Variants in RIMS2 observed in about 807,000 individuals in gnomAD.
RIMS2 encodes the protein regulating synaptic membrane exocytosis protein 2.
In RIMS2, 59 loss-of-function variants were observed where a neutral mutation model predicts 174.4. The observed-to-expected ratio is 0.34, with a 90% CI of 0.27 to 0.42. The LOEUF (loss-of-function observed/expected upper bound fraction) is 0.42, where lower values mean the gene tolerates loss of function less well. RIMS2 is among the 10% of genes least tolerant of loss of function. The pLI, the probability that RIMS2 is intolerant of heterozygous loss-of-function variation, is 1.00. For synonymous variants in RIMS2, 606 were observed against 572.5 expected, an observed-to-expected ratio of 1.06 and a Z score of -0.84; for missense variants, 1,620 against 1,666.3, an observed-to-expected ratio of 0.97 and a Z score of 0.48.
intron 13 of RIMS2, 77 bp from the exon 16 acceptor site, chr8:103,942,696 A>G: frequency 9.5e-7 from 1 of 1,049,482 alleles, no homozygotes; most frequent in Non-Finnish European, 1.4e-6. Context: ...TTATTACTAC[A>G]AAAGTTATAG....
intron 1 of RIMS2, among the ~76,000 whole-genome samples, chr8:103,581,949 G>T (rs2093643602): frequency 6.6e-6 from 1 of 152,198 alleles, no homozygotes; most frequent in African/African-American, 2.4e-5. Flanking sequence ...GACACCACTG[G>T]TGCAGCCAGG....
At chr8:103,537,725 G>T (rs1840491641) in intron 1 of RIMS2, among the ~76,000 whole-genome samples, 1 of 152,144 alleles carries the variant, frequency 6.6e-6, no homozygotes, top group Admixed American at 6.5e-5. Context: ...TAATAATGTA[G>T]TAATATTAAG....
intron 19 of RIMS2, among the ~76,000 whole-genome samples, chr8:104,170,654 A>G (rs77324287): frequency 0.022 from 3,327 of 152,156 alleles, 120 homozygotes; most frequent in African/African-American, 0.076. Flanking sequence ...GGCCAGTTAC[A>G]TTCAACATTA....
chr8:104,093,822 A>C (rs2097705611), intron 19 of RIMS2, among the ~76,000 whole-genome samples, 179 bp downstream of exon 24: 1 of 152,050 alleles, frequency 6.6e-6, no homozygotes, highest in African/African-American at 2.4e-5. Flanking sequence ...GACTTCCTGC[A>C]CAGAAGAAAA....
chr8:103,714,720 G>T (rs894889405), intron 2 of RIMS2, among the ~76,000 whole-genome samples: 3 of 152,060 alleles, frequency 2.0e-5, no homozygotes, highest in Non-Finnish European at 4.4e-5. Flanking sequence ...AATAATGATA[G>T]AATCAATGAT....
intron 19 of RIMS2, among the ~76,000 whole-genome samples, chr8:104,118,225 A>G (rs1375723945): frequency 1.3e-5 from 2 of 152,108 alleles, no homozygotes; most frequent in East Asian, 1.9e-4. Flanking sequence ...AGATATTCTT[A>G]TTACATAAAG....
At chr8:103,803,884 A>G (rs765822605) in intron 3 of RIMS2, among the ~76,000 whole-genome samples, 6 of 152,198 alleles carry the variant, frequency 3.9e-5, no homozygotes, top group Non-Finnish European at 7.3e-5. Flanking sequence ...AGGCATGCCA[A>G]CAATCACATG....
intron 19 of RIMS2, among the ~76,000 whole-genome samples, chr8:104,217,825 T>C (rs1452654477): frequency 1.3e-5 from 2 of 152,230 alleles, no homozygotes; most frequent in African/African-American, 2.4e-5. Flanking sequence ...CCTTTAGCAA[T>C]TTTAAGTCAG....
intron 14 of RIMS2, among the ~76,000 whole-genome samples, chr8:103,959,739 C>A (rs2089212825): frequency 1.3e-5 from 2 of 151,918 alleles, no homozygotes; most frequent in Admixed American, 6.6e-5. Context: ...TTCTTCCAAA[C>A]CATATACAAT....
intron 19 of RIMS2, among the ~76,000 whole-genome samples, chr8:104,054,142 C>T (rs2096832727): frequency 6.6e-6 from 1 of 152,142 alleles, no homozygotes; most frequent in Non-Finnish European, 1.5e-5. Flanking sequence ...GTCTCTCCAT[C>T]TAATTCTCAT....
intron 1 of RIMS2, among the ~76,000 whole-genome samples, chr8:103,538,456 CTTG>C (rs1279837413): frequency 1.3e-5 from 2 of 152,154 alleles, no homozygotes; most frequent in South Asian, 2.1e-4. Flanking sequence ...CTGCACCATA[CTTG>C]TTGTCTTTTA....
chr8:104,070,633 A>G (rs902805555), intron 19 of RIMS2, among the ~76,000 whole-genome samples: 3 of 152,148 alleles, frequency 2.0e-5, no homozygotes, highest in African/African-American at 7.2e-5. Context: ...TTCACCTTGT[A>G]TAATCCAGAG....
At chr8:103,649,453 G>T (rs1011140791) in intron 1 of RIMS2, among the ~76,000 whole-genome samples, 3 of 151,924 alleles carry the variant, frequency 2.0e-5, no homozygotes, top group Non-Finnish European at 4.4e-5. Flanking sequence ...TCTTACTGGG[G>T]TTCTCTATAT....
chr8:104,063,512 A>T (rs772281527), intron 19 of RIMS2, among the ~76,000 whole-genome samples: 1 of 152,182 alleles, frequency 6.6e-6, no homozygotes, highest in Non-Finnish European at 1.5e-5. Flanking sequence ...AATAGAAGAG[A>T]TGGGGTAAGG....
intron 1 of RIMS2, among the ~76,000 whole-genome samples, chr8:103,664,956 A>G (rs1224312833): frequency 6.6e-6 from 1 of 152,202 alleles, no homozygotes; most frequent in Non-Finnish European, 1.5e-5. Flanking sequence ...ATAAAAAAGG[A>G]TGAGTTCATG....
chr8:103,796,939 G>T (rs1401879110), intron 3 of RIMS2, among the ~76,000 whole-genome samples: 2 of 152,152 alleles, frequency 1.3e-5, no homozygotes, highest in African/African-American at 4.8e-5. Flanking sequence ...GACAAGTGCT[G>T]TGGAGGAAGA....
chr8:104,241,521 T>C (rs1343240772), intron 19 of RIMS2, among the ~76,000 whole-genome samples: 1 of 152,202 alleles, frequency 6.6e-6, no homozygotes, highest in African/African-American at 2.4e-5. Flanking sequence ...AAACTTTAGA[T>C]CTTTGACATT....
At chr8:103,671,875 A>G (rs2096748712) in intron 1 of RIMS2, among the ~76,000 whole-genome samples, 1 of 152,194 alleles carries the variant, frequency 6.6e-6, no homozygotes, top group African/African-American at 2.4e-5. Context: ...TTCTTATTTG[A>G]CAATGCTTCC....
At chr8:104,177,321 TTC>T (rs1421828850) in intron 19 of RIMS2, among the ~76,000 whole-genome samples, 1 of 152,136 alleles carries the variant, frequency 6.6e-6, no homozygotes, top group Non-Finnish European at 1.5e-5. Context: ...GTAGGAAAAT[TTC>T]TTTTTAAATT....
Sources: gnomAD v4.1 joint callset for allele counts (sites outside exome capture counted in the v4.1 genomes callset) on GRCh38, gnomAD v4.1.1 for gene constraint, MANE v1.5 for transcripts, NCBI Gene and HGNC (gene_info 2026-07-23, HGNC 2026-07-21) for gene names.